DLGAP1: variants seen among roughly 807,000 people sequenced by gnomAD.
DLGAP1 encodes DLG associated protein 1, also known as disks large-associated protein 1.
DLGAP1 carries 11 observed loss-of-function variants against 90.8 expected under a neutral mutation model. The observed-to-expected ratio is 0.12, with a 90% CI of 0.08 to 0.20. DLGAP1 has a LOEUF of 0.20. Ranked by LOEUF, DLGAP1 falls within the 10% of genes least tolerant of loss-of-function variation. DLGAP1 has a pLI of 1.00. For missense variants in DLGAP1, 1,050 were observed against 1,333.8 expected (o/e 0.79, Z 3.31); for synonymous variants, 558 against 540.7 (o/e 1.03, Z -0.44).
intron 1 of DLGAP1, among the ~76,000 whole-genome samples, chr18:4,216,794 C>G (rs2077967746): frequency 6.6e-6 from 1 of 152,050 alleles, no homozygotes; most frequent in Non-Finnish European, 1.5e-5. Flanking sequence ...TCTCATAAAA[C>G]CTAACATCAC....
At chr18:4,173,661 CAA>C (rs958031493) in intron 1 of DLGAP1, among the ~76,000 whole-genome samples, 4 of 152,136 alleles carry the variant, frequency 2.6e-5, no homozygotes, top group Non-Finnish European at 5.9e-5. Context: ...TCGTAGACTG[CAA>C]AGTCTCAGTA....
intron 1 of DLGAP1, among the ~76,000 whole-genome samples, chr18:4,179,527 A>G (rs1568436870): frequency 6.6e-6 from 1 of 152,192 alleles, no homozygotes. Flanking sequence ...AGTGTCTTAC[A>G]TTAATTATAA....
intron 2 of DLGAP1, among the ~76,000 whole-genome samples, chr18:4,139,623 A>G (rs1198610796): frequency 6.6e-6 from 1 of 151,986 alleles, no homozygotes; most frequent in Non-Finnish European, 1.5e-5. Context: ...ATAAATATCT[A>G]TTAGGTCCAA....
At chr18:4,367,710 G>A (rs1053680390) in intron 1 of DLGAP1, among the ~76,000 whole-genome samples, 4 of 152,012 alleles carry the variant, frequency 2.6e-5, no homozygotes, top group African/African-American at 4.8e-5. Flanking sequence ...TTAGCTGGGC[G>A]TCGTGGCAGG....
chr18:3,583,999 G>A (rs2055726936), intron 7 of DLGAP1, among the ~76,000 whole-genome samples: 1 of 152,094 alleles, frequency 6.6e-6, no homozygotes, highest in Non-Finnish European at 1.5e-5. Context: ...TTTTGGACCC[G>A]TACAAGGGGG....
chr18:3,595,805 ATC>A (rs1407280028), intron 7 of DLGAP1, among the ~76,000 whole-genome samples: 1 of 143,838 alleles, frequency 7.0e-6, no homozygotes, highest in African/African-American at 2.6e-5. Context: ...GCCCTGTTAC[ATC>A]TGTTAGGATT....
At chr18:4,225,484 G>A (rs2078166884) in intron 1 of DLGAP1, among the ~76,000 whole-genome samples, 1 of 152,100 alleles carries the variant, frequency 6.6e-6, no homozygotes, top group Admixed American at 6.6e-5. Context: ...ATCCTGGAAA[G>A]ACAGAGATAT....
intron 1 of DLGAP1, among the ~76,000 whole-genome samples, chr18:4,343,431 G>A (rs1204336519): frequency 6.6e-6 from 1 of 151,986 alleles, no homozygotes; most frequent in East Asian, 1.9e-4. Context: ...GTAGTATCCT[G>A]ATTACTTAAT....
intron 4 of DLGAP1, among the ~76,000 whole-genome samples, chr18:3,854,133 C>G (rs1422534892): frequency 6.6e-6 from 1 of 152,076 alleles, no homozygotes; most frequent in African/African-American, 2.4e-5. Context: ...ACACCTGTAA[C>G]AAAGTAATAT....
chr18:3,765,117 C>CTTTTTT lies in DLGAP1; in HGVS notation c.1173-22611_1173-22606dup, dbSNP rs921982904. ...CAGAATCTCCATGCACACTTGCAAA[C>CTTTTTT]TTTTTTTTTTTTCTTTTTTTTTTTT... On this transcript the variant is annotated intron_variant, in intron 5 of 12. Coordinates refer to ENST00000315677, the MANE Select transcript of DLGAP1 (RefSeq NM_004746.4). Among the ~76,000 whole-genome samples the CTTTTTT allele has an allele frequency of 1.2e-3, 154 of 126,360 alleles. 5 individuals carry two copies. The highest frequency in any genetic ancestry group is 1.7e-3 in the South Asian group (6 of 3,512). 82.9% of individuals were successfully genotyped at this position (126,360 alleles called of 152,430 possible). A position where few individuals can be genotyped will look rare whatever the true frequency, so the allele number is the denominator to read the frequency against.
At chr18:4,375,123 T>C (rs1453314385) in intron 1 of DLGAP1, among the ~76,000 whole-genome samples, 1 of 152,156 alleles carries the variant, frequency 6.6e-6, no homozygotes, top group Non-Finnish European at 1.5e-5. Context: ...TTGCGATCTC[T>C]TCTTTCTTCT....
intron 8 of DLGAP1, among the ~76,000 whole-genome samples, chr18:3,568,928 C>A (rs1038004887): frequency 6.6e-6 from 1 of 151,124 alleles, no homozygotes; most frequent in Non-Finnish European, 1.5e-5. Flanking sequence ...CCTCGTGATC[C>A]GCCCGCCTCG....
intron 1 of DLGAP1, among the ~76,000 whole-genome samples, chr18:4,368,199 G>A (rs915182481): frequency 1.3e-5 from 2 of 152,158 alleles, no homozygotes; most frequent in African/African-American, 4.8e-5. Context: ...TTTCTAACAA[G>A]TCTATACTGT....
intron 4 of DLGAP1, among the ~76,000 whole-genome samples, chr18:3,848,713 G>C (rs1715365448): frequency 6.6e-6 from 1 of 152,086 alleles, no homozygotes; most frequent in Admixed American, 6.6e-5. Flanking sequence ...ATCACCAAGA[G>C]ATATTGATTT....
At chr18:4,287,861 A>C (rs192991842) in intron 1 of DLGAP1, among the ~76,000 whole-genome samples, 10 of 151,984 alleles carry the variant, frequency 6.6e-5, no homozygotes, top group African/African-American at 2.4e-4. Context: ...AATAAGAAAA[A>C]TTTTAAAAAA....
chr18:3,777,402 T>C (rs1758550571), intron 5 of DLGAP1, among the ~76,000 whole-genome samples: 1 of 152,178 alleles, frequency 6.6e-6, no homozygotes, highest in South Asian at 2.1e-4. Flanking sequence ...AAACTGAATA[T>C]GTTAGAGACA....
At position 3,822,564 on chromosome 18, in the gene DLGAP1, A is replaced by C. The variant is rs148459545; in HGVS notation, c.958-8291T>G. 8.8e-4 allele frequency among the ~76,000 whole-genome samples: 134 copies of C among 152,348 alleles called. 5 individuals are homozygous for C. The East Asian group carries it at 0.024, about 28-fold the overall frequency. ...GTAAGTCAAGCTGAGTCGAGTATTA[A>C]ATCTCAGTACCTCTGAATTTCCTAC... On this transcript the variant is annotated intron_variant, in intron 4 of 12. Coordinates refer to ENST00000315677, the MANE Select transcript of DLGAP1 (RefSeq NM_004746.4).
At chr18:4,427,193 G>T (rs138441797) in intron 1 of DLGAP1, among the ~76,000 whole-genome samples, 16 of 152,308 alleles carry the variant, frequency 1.1e-4, no homozygotes, top group African/African-American at 3.8e-4. Context: ...GACTGTTCCC[G>T]TGTGGTAGTG....
At chr18:3,564,762 G>T (rs2054336998) in intron 9 of DLGAP1, among the ~76,000 whole-genome samples, 3 of 152,286 alleles carry the variant, frequency 2.0e-5, no homozygotes, top group African/African-American at 4.8e-5. Context: ...TTCCTGCAGA[G>T]ATTTCTACTT....
Sources: gnomAD v4.1 joint callset for allele counts (sites outside exome capture counted in the v4.1 genomes callset) on GRCh38, gnomAD v4.1.1 for gene constraint, MANE v1.5 for transcripts, NCBI Gene and HGNC (gene_info 2026-07-23, HGNC 2026-07-21) for gene names.